The following NOC3L variants were observed in gnomAD, a reference collection of about 807,000 sequenced individuals.
The protein encoded by NOC3L is nucleolar complex protein 3 homolog.
NOC3L carries 85 observed loss-of-function variants against 102.5 expected under a neutral mutation model. The observed-to-expected ratio is 0.83, with a 90% CI of 0.70 to 0.99. The LOEUF (loss-of-function observed/expected upper bound fraction) is 0.99, where lower values mean the gene tolerates loss of function less well. Among genes scored for constraint, NOC3L ranks in the 50% least tolerant of loss-of-function variants. The probability of loss-of-function intolerance (pLI) is 0.00; values close to 1 mark genes in which losing one functional copy is unlikely to be tolerated. For missense variants in NOC3L, 878 were observed against 914.9 expected, an observed-to-expected ratio of 0.96 and a Z score of 0.52; for synonymous variants, 303 against 309.4, an observed-to-expected ratio of 0.98 and a Z score of 0.22.
At position 94,333,935 on chromosome 10, in the gene NOC3L, A is replaced by G. The variant is rs1589561852; in HGVS notation, c.*242T>C. The G allele has an allele frequency of 3.4e-6, 1 of 291,718 alleles. No individual in the cohort carries two copies. The highest frequency in any genetic ancestry group is 5.8e-5 in the East Asian group (1 of 17,128). The allele number at this position is 291,718 out of a possible 1,614,324, so 18.1% of individuals were successfully genotyped here. A position where few individuals can be genotyped will look rare whatever the true frequency, so the allele number is the denominator to read the frequency against. The stretch of plus-strand genomic sequence containing the variant: ...CGTGAAGCTTTTAAAAGGCAGCATC[A>G]TCAAGAAAGTAATTTCCAAATACTG... On this transcript the variant is annotated 3_prime_UTR_variant, in exon 21 of 21. Transcript: ENST00000371361.
intron 4 of NOC3L, 32 bp from the exon 5 acceptor site, chr10:94,356,623 A>AT (rs746405310): frequency 2.9e-5 from 36 of 1,258,662 alleles, no homozygotes; most frequent in Non-Finnish European, 3.8e-5. Flanking sequence ...TAAAACTGTG[A>AT]TATATACTTA....
intron 11 of NOC3L, among the ~76,000 whole-genome samples, chr10:94,345,255 G>T (rs1440096571): frequency 1.3e-5 from 2 of 151,710 alleles, no homozygotes; most frequent in African/African-American, 4.8e-5. Flanking sequence ...GCAGATATCT[G>T]GGATATGCTA....
At chr10:94,339,609 C>T (rs1416002188) in intron 17 of NOC3L, 130 bp downstream of exon 17, 8 of 764,000 alleles carry the variant, frequency 1.0e-5, no homozygotes, top group Non-Finnish European at 1.6e-5. Flanking sequence ...CTTTTGTCAC[C>T]TGATTTTGTT....
downstream of NOC3L, chr10:94,329,398 A>G (rs2054129336): frequency 1.3e-5 from 2 of 152,300 alleles, no homozygotes; most frequent in South Asian, 4.1e-4. Flanking sequence ...ACTCACTCCT[A>G]AACTTCACTT....
intron 8 of NOC3L, among the ~76,000 whole-genome samples, chr10:94,350,796 TACTA>T (rs1191983688): frequency 2.0e-5 from 3 of 151,668 alleles, no homozygotes; most frequent in Admixed American, 6.6e-5. Flanking sequence ...ATATGGAGGC[TACTA>T]ACTGCCACAT....
chr10:94,324,755 T>G, the NOC3L span: 1 of 1,001,562 alleles, frequency 1.0e-6, no homozygotes, highest in Admixed American at 1.9e-5. Context: ...GGTTAAGCAG[T>G]CCTAGAGGGG....
downstream of NOC3L, chr10:94,328,975 T>G: frequency 6.6e-6 from 1 of 152,218 alleles, no homozygotes; most frequent in Non-Finnish European, 1.5e-5. Flanking sequence ...AGTTGGCGTT[T>G]AAATTTATTT....
At chr10:94,324,444 C>G in the NOC3L span, 1 of 1,614,124 alleles carries the variant, frequency 6.2e-7, no homozygotes, top group Non-Finnish European at 8.5e-7. Flanking sequence ...ACACTACCAA[C>G]AAGAAGACTA....
At chr10:94,315,360 C>T in the NOC3L span, 2,165 of 455,458 alleles carry the variant, frequency 4.8e-3, 53 homozygotes, top group African/African-American at 0.039. Context: ...CAGATGGTGG[C>T]AGCTTTCTCT....
chr10:94,323,020 C>T, the NOC3L span, among the ~76,000 whole-genome samples: 1 of 152,134 alleles, frequency 6.6e-6, no homozygotes. Flanking sequence ...TCAACAGACA[C>T]TTAGTATCTA....
At chr10:94,319,098 T>C in the NOC3L span, among the ~76,000 whole-genome samples, 1 of 152,090 alleles carries the variant, frequency 6.6e-6, no homozygotes, top group African/African-American at 2.4e-5. Flanking sequence ...CTCAGGAATA[T>C]GCTTCCAAAA....
At chr10:94,319,214 C>CTTTG in the NOC3L span, among the ~76,000 whole-genome samples, 1 of 151,992 alleles carries the variant, frequency 6.6e-6, no homozygotes, top group African/African-American at 2.4e-5. Flanking sequence ...CTTTATATGC[C>CTTTG]TTTGTTAGGA....
chr10:94,360,757 C>A lies in NOC3L; in HGVS notation c.217+908G>T, dbSNP rs555480015. Among the ~76,000 whole-genome samples, 20 of 152,138 alleles carry A rather than the reference C, an allele frequency of 1.3e-4. No individual in the cohort carries two copies. The South Asian group carries it at 4.2e-3, about 32-fold the overall frequency. ...CTTGAGGTGATGGATACCACATTTACTCTGATGTGATTATTATGCATTGTA... is the reference window on the plus strand; with the variant it reads ...CTTGAGGTGATGGATACCACATTTAATCTGATGTGATTATTATGCATTGTA... On this transcript the variant is annotated intron_variant, in intron 2 of 20. Coordinates refer to ENST00000371361, the MANE Select transcript of NOC3L (RefSeq NM_022451.11).
intron 8 of NOC3L, among the ~76,000 whole-genome samples, chr10:94,351,743 G>A (rs1347550774): frequency 6.7e-6 from 1 of 150,344 alleles, no homozygotes; most frequent in East Asian, 2.0e-4. Flanking sequence ...CCCCAGGCTG[G>A]TCTCAAACTC....
At chr10:94,321,739 T>A in the NOC3L span, among the ~76,000 whole-genome samples, 3 of 152,210 alleles carry the variant, frequency 2.0e-5, no homozygotes, top group Admixed American at 6.5e-5. Flanking sequence ...GAGATAGGTA[T>A]ATCCTTTTAG....
chr10:94,360,851 A>G (rs907262194), intron 2 of NOC3L, among the ~76,000 whole-genome samples: 2 of 151,976 alleles, frequency 1.3e-5, no homozygotes, highest in Non-Finnish European at 2.9e-5. Context: ...AAAATTAGAA[A>G]AAAAAAAAAC....
At chr10:94,328,958 T>C (rs1488497479), downstream of NOC3L, 1 of 152,216 alleles carries the variant, frequency 6.6e-6, no homozygotes, top group Non-Finnish European at 1.5e-5. Context: ...AAAGCAAAAG[T>C]AGATTGAGTT....
In NOC3L at chr10:94,352,895, CCTTAGT is replaced by C. The variant is rs1360708790; in HGVS notation, c.853_858del (p.Lys286_Thr287del). ...AATTATATCTAGCAATCTAGCATTA[CCTTAGT>C]AGATTTTTCTGCTTCTGTGAGGGGC... On this transcript the variant is annotated inframe_deletion and splice_region_variant, in exon 7 of 21. Coordinates refer to ENST00000371361, the MANE Select transcript of NOC3L (RefSeq NM_022451.11). 1 of 1,610,530 alleles carries C rather than the reference CCTTAGT, an allele frequency of 6.2e-7. No homozygotes were observed. Among genetic ancestry groups the C allele is most frequent in the African/African-American group, 1.3e-5 (1 of 74,750 alleles).
At position 94,338,949 on chromosome 10, in the gene NOC3L, T is replaced by G. The variant is rs146876344; in HGVS notation, c.1963-213A>C. ...ATTTTATCTTTGCTTGCTTTGAAAATTAATTTTATCTTGCAAAAGAAAAAA... is the reference window on the plus strand; with the variant it reads ...ATTTTATCTTTGCTTGCTTTGAAAAGTAATTTTATCTTGCAAAAGAAAAAA... On this transcript the variant is annotated intron_variant, in intron 17 of 20. Coordinates refer to ENST00000371361, the MANE Select transcript of NOC3L (RefSeq NM_022451.11). 1.6e-3 allele frequency among the ~76,000 whole-genome samples: 250 copies of G among 152,304 alleles called. 1 individual carries two copies. The highest frequency in any genetic ancestry group is 5.8e-3 in the African/African-American group (241 of 41,556).
Sources: gnomAD v4.1 joint callset for allele counts (sites outside exome capture counted in the v4.1 genomes callset) on GRCh38, gnomAD v4.1.1 for gene constraint, MANE v1.5 for transcripts, NCBI Gene and HGNC (gene_info 2026-07-23, HGNC 2026-07-21) for gene names.